The following SLC41A3 variants were observed in gnomAD, a reference collection of about 807,000 sequenced individuals.
The protein encoded by SLC41A3 is solute carrier family 41 member 3.
SLC41A3 carries 44 observed loss-of-function variants against 45.4 expected under a neutral mutation model. That is an observed-to-expected ratio of 0.97 (90% CI 0.76 to 1.25). The LOEUF (loss-of-function observed/expected upper bound fraction) is 1.25, where lower values mean the gene tolerates loss of function less well. SLC41A3 is among the 50% of genes most tolerant of loss of function. SLC41A3 has a pLI of 0.00. For missense variants in SLC41A3, 550 were observed against 600.6 expected (o/e 0.92, Z 0.88); for synonymous variants, 256 against 252.4 (o/e 1.01, Z -0.13).
intron 1 of SLC41A3, 56 bp from the exon 2 acceptor site, chr3:126,068,302 C>T: frequency 7.0e-7 from 1 of 1,436,084 alleles, no homozygotes; most frequent in African/African-American, 1.4e-5. Flanking sequence ...ATGGCGCTAA[C>T]ACCCAAGGAG....
intron 3 of SLC41A3, among the ~76,000 whole-genome samples, chr3:126,043,012 GAA>G (rs35200644): frequency 3.6e-5 from 5 of 138,976 alleles, no homozygotes; most frequent in Admixed American, 7.1e-5. Context: ...TCCCAAATTT[GAA>G]AAAAAAAAAA....
chr3:126,008,408 G>T (rs1939345428), intron 10 of SLC41A3, among the ~76,000 whole-genome samples: 1 of 151,752 alleles, frequency 6.6e-6, no homozygotes, highest in African/African-American at 2.4e-5. Context: ...GGAGTGTGTG[G>T]GTTGCACTGT....
chr3:126,030,554 G>C (rs1576260051), intron 4 of SLC41A3, among the ~76,000 whole-genome samples: 1 of 152,088 alleles, frequency 6.6e-6, no homozygotes, highest in African/African-American at 2.4e-5. Flanking sequence ...TTCTACTGGG[G>C]TCTCCTGTTC....
chr3:126,048,889 T>C (rs1473160040), intron 3 of SLC41A3, among the ~76,000 whole-genome samples: 1 of 151,976 alleles, frequency 6.6e-6, no homozygotes, highest in African/African-American at 2.4e-5. Context: ...CCTCTGTTTT[T>C]ATTGTTATCA....
intron 1 of SLC41A3, chr3:126,070,370 C>T (rs1468061062): frequency 5.3e-5 from 8 of 152,238 alleles, no homozygotes; most frequent in Middle Eastern, 3.2e-3. Context: ...GAACTGCGCA[C>T]GCAGGGGATC....
intron 6 of SLC41A3, among the ~76,000 whole-genome samples, chr3:126,021,103 C>T (rs753833261): frequency 1.5e-4 from 23 of 152,148 alleles, no homozygotes; most frequent in Non-Finnish European, 3.1e-4. Context: ...ACCGTGTTAG[C>T]CAGGATGGTC....
intron 3 of SLC41A3, among the ~76,000 whole-genome samples, chr3:126,044,605 C>T (rs956221998): frequency 6.6e-6 from 1 of 152,132 alleles, no homozygotes; most frequent in Non-Finnish European, 1.5e-5. Context: ...AGATTAAAAT[C>T]ATACAGAGGG....
chr3:126,084,181 G>A (rs1040907637), upstream of SLC41A3: 5 of 151,910 alleles, frequency 3.3e-5, no homozygotes, highest in African/African-American at 1.2e-4. Flanking sequence ...GGAAGGCCGG[G>A]CCTCCCTGGC....
At chr3:126,012,517 T>C in intron 9 of SLC41A3, 98 bp downstream of exon 9, 1 of 1,513,522 alleles carries the variant, frequency 6.6e-7, no homozygotes, top group Non-Finnish European at 9.0e-7. Context: ...AGCCCTGGCT[T>C]CAGGCATCCA....
intron 3 of SLC41A3, among the ~76,000 whole-genome samples, chr3:126,044,423 A>G (rs968431459): frequency 1.3e-5 from 2 of 152,228 alleles, no homozygotes; most frequent in Admixed American, 1.3e-4. Flanking sequence ...ATCAGTAAGG[A>G]AACAGACGGT....
chr3:126,084,324 TGGGGGACCGAGTCTC>T (rs1945326392), upstream of SLC41A3: 1 of 151,954 alleles, frequency 6.6e-6, no homozygotes, highest in African/African-American at 2.4e-5. Context: ...GGGACGGAAG[TGGGGGACCGAGTCTC>T]GCGAGCCCGG....
At chr3:126,039,411 T>A (rs1219633162) in intron 3 of SLC41A3, among the ~76,000 whole-genome samples, 1 of 152,188 alleles carries the variant, frequency 6.6e-6, no homozygotes, top group Non-Finnish European at 1.5e-5. Flanking sequence ...GTCTCTCAAT[T>A]TGGGTTTCCC....
chr3:126,056,415 G>A lies in SLC41A3; in HGVS notation c.274-5365C>T, dbSNP rs1351634396. ...TCATGCACAAGCCGGACAGCAGAATGGGCACCACGACCTGGCACATGATGG... is the reference window on the plus strand; with the variant it reads ...TCATGCACAAGCCGGACAGCAGAATAGGCACCACGACCTGGCACATGATGG... On this transcript the variant is annotated intron_variant, in intron 2 of 10. Transcript: ENST00000360370. The A allele has an allele frequency of 3.1e-6, 5 of 1,614,032 alleles. No individual in the cohort carries two copies. The East Asian group carries it at 8.9e-5, about 29-fold the overall frequency.
intron 3 of SLC41A3, among the ~76,000 whole-genome samples, chr3:126,036,911 A>AAGT (rs1192844218): frequency 6.6e-6 from 1 of 152,184 alleles, no homozygotes; most frequent in Non-Finnish European, 1.5e-5. Context: ...AAAAGTTTCA[A>AAGT]AGTCAACAGA....
rs1162024676 is a variant in SLC41A3 at position 126,022,977 on chromosome 3, G to A, written c.599-45C>T. 5.6e-6 allele frequency: 9 copies of A among 1,610,884 alleles called. 1 individual carries two copies. The South Asian group carries it at 6.6e-5, about 12-fold the overall frequency. On this transcript the variant is annotated intron_variant, in intron 5 of 10. Transcript: ENST00000360370. ...AAACAGCAGACTCAAATCCCAGGGA[G>A]CCAGATGGCTCTGAGCAGGCACAGC...
intron 2 of SLC41A3, among the ~76,000 whole-genome samples, chr3:126,053,217 T>C (rs1943453502): frequency 6.6e-6 from 1 of 152,166 alleles, no homozygotes; most frequent in Non-Finnish European, 1.5e-5. Context: ...AATGCAGTCA[T>C]GAGGGTGGGT....
At chr3:126,035,644 G>A (rs1420866417) in intron 3 of SLC41A3, among the ~76,000 whole-genome samples, 1 of 152,238 alleles carries the variant, frequency 6.6e-6, no homozygotes, top group Non-Finnish European at 1.5e-5. Context: ...GGGTATCAAG[G>A]ATGGAGGGAG....
intron 8 of SLC41A3, among the ~76,000 whole-genome samples, chr3:126,014,436 C>T (rs1940056415): frequency 6.6e-6 from 1 of 152,188 alleles, no homozygotes; most frequent in South Asian, 2.1e-4. Flanking sequence ...ATGAGAAATG[C>T]ATTCTGCAGC....
At chr3:126,032,031 C>A (rs1437978089) in intron 4 of SLC41A3, among the ~76,000 whole-genome samples, 1 of 152,228 alleles carries the variant, frequency 6.6e-6, no homozygotes, top group East Asian at 1.9e-4. Flanking sequence ...TAGGTAGGAA[C>A]TTACACCTGA....
Sources: gnomAD v4.1 joint callset for allele counts (sites outside exome capture counted in the v4.1 genomes callset) on GRCh38, gnomAD v4.1.1 for gene constraint, MANE v1.5 for transcripts, NCBI Gene and HGNC (gene_info 2026-07-23, HGNC 2026-07-21) for gene names.